Variants in SCAF8 observed in about 807,000 individuals in gnomAD.
SCAF8 encodes SR-related and CTD-associated factor 8.
Under a neutral mutation model 140.5 loss-of-function variants are expected in SCAF8, and 23 were observed. The observed-to-expected ratio is 0.16, with a 90% confidence interval of 0.12 to 0.23. The LOEUF (loss-of-function observed/expected upper bound fraction) is 0.23, where lower values mean the gene tolerates loss of function less well. Ranked by LOEUF, SCAF8 falls within the 10% of genes least tolerant of loss-of-function variation. The probability of loss-of-function intolerance (pLI) is 1.00; values close to 1 mark genes in which losing one functional copy is unlikely to be tolerated. For synonymous variants in SCAF8, 575 were observed against 528.9 expected, an observed-to-expected ratio of 1.09 and a Z score of -1.20; for missense variants, 1,397 against 1,555.7, an observed-to-expected ratio of 0.90 and a Z score of 1.72.
intron 4 of SCAF8, among the ~76,000 whole-genome samples, chr6:154,792,206 C>T (rs1040678545): frequency 3.9e-5 from 6 of 152,160 alleles, no homozygotes; most frequent in Admixed American, 6.5e-5. Flanking sequence ...GAAATGGTTA[C>T]GCTTCAGATT....
At chr6:154,739,747 A>G (rs980803342) in intron 1 of SCAF8, among the ~76,000 whole-genome samples, 1 of 152,146 alleles carries the variant, frequency 6.6e-6, no homozygotes, top group African/African-American at 2.4e-5. Flanking sequence ...TTTCTGTTCT[A>G]TAAAGTGAAC....
chr6:154,817,808 T>C (rs2351846), intron 13 of SCAF8, among the ~76,000 whole-genome samples: 22,900 of 152,196 alleles, frequency 0.15, 2,216 homozygotes, highest in East Asian at 0.45. Flanking sequence ...TGAATAGTTT[T>C]CTGAGTTAAT....
chr6:154,821,346 A>G lies in SCAF8; in HGVS notation c.1793-930A>G, dbSNP rs1185021504. Among the ~76,000 whole-genome samples the G allele has an allele frequency of 2.7e-5, 4 of 150,578 alleles. No homozygotes were observed. The East Asian group carries it at 7.7e-4, about 29-fold the overall frequency. ...CTCACTTGTTTTCCTATTCTGTTTT[A>G]CTTTTTTTTTTTTGCAATAACAGTT... On this transcript the variant is annotated intron_variant, in intron 15 of 19. Transcript: ENST00000367178.
chr6:154,775,182 T>G (rs1253732022), intron 2 of SCAF8, among the ~76,000 whole-genome samples: 5 of 152,210 alleles, frequency 3.3e-5, no homozygotes, highest in Admixed American at 2.6e-4. Context: ...AAAGCTTAGT[T>G]TTCAGACTTG....
In SCAF8 at chr6:154,832,730, C is replaced by G. The variant is rs756760142; in HGVS notation, c.3151C>G (p.Arg1051Gly). The G allele has an allele frequency of 1.9e-5, 30 of 1,613,704 alleles. No homozygotes were observed. Among genetic ancestry groups the G allele is most frequent in the Non-Finnish European group, 2.4e-5 (28 of 1,179,946 alleles). ...RPIDPREGPG[R>G]PPLDGRDHFG... ...TATAGATCCAAGAGAAGGTCCTGGA[C>G]GGCCTCCACTAGATGGTAGGGATCA... Residue 1051 changes from arginine to glycine, a missense_variant, in exon 20 of 20, where the codon CGG (arginine) becomes GGG (glycine). Physicochemically the swap from Arg to Gly is moderately radical, Grantham distance 125 (BLOSUM62 -2). This residue lies in a region of SCAF8 where 930 missense variants were observed against 874.6 expected (regional missense o/e 1.06). Transcript: ENST00000367178.
intron 16 of SCAF8, among the ~76,000 whole-genome samples, chr6:154,823,059 A>C (rs193264608): frequency 1.3e-5 from 2 of 151,294 alleles, no homozygotes; most frequent in East Asian, 3.9e-4. Context: ...AACCATGTGG[A>C]TATCTGATAA....
At chr6:154,793,537 C>G (rs550086719) in intron 5 of SCAF8, among the ~76,000 whole-genome samples, 7 of 150,854 alleles carry the variant, frequency 4.6e-5, no homozygotes, top group East Asian at 3.9e-4. Context: ...AGTTCCAGCC[C>G]TGCGCAGTGA....
Position 154,822,259 on chromosome 6 carries a change from T to C in SCAF8, c.1793-17T>C. ...TGCACCTATCCAAAGGAAATCAATT[T>C]CAACTATTTTGTTTAGAGTGGGAAA... On this transcript the variant is annotated splice_polypyrimidine_tract_variant and intron_variant, in intron 15 of 19. Transcript: ENST00000367178. 6.3e-7 allele frequency: 1 copy of C among 1,586,966 alleles called. No individual in the cohort carries two copies. Among genetic ancestry groups the C allele is most frequent in the Non-Finnish European group, 8.6e-7 (1 of 1,169,496 alleles).
At chr6:154,788,148 C>A in intron 4 of SCAF8, 126 bp downstream of exon 4, 1 of 750,506 alleles carries the variant, frequency 1.3e-6, no homozygotes, top group Non-Finnish European at 2.2e-6. Context: ...TGACAGACCG[C>A]ATATACAGTG....
At chr6:154,787,824 C>T (rs376203629) in intron 3 of SCAF8, 37 bp from the exon 4 acceptor site, 246 of 1,547,736 alleles carry the variant, frequency 1.6e-4, no homozygotes, top group Non-Finnish European at 2.1e-4. Flanking sequence ...TTTACCTTTC[C>T]GTTTCCTTTC....
intron 6 of SCAF8, among the ~76,000 whole-genome samples, chr6:154,799,985 C>T (rs1037384647): frequency 6.6e-6 from 1 of 150,992 alleles, no homozygotes; most frequent in African/African-American, 2.4e-5. Context: ...AAGGTTTCAC[C>T]TTGTTGGCCA....
chr6:154,733,808 C>T lies in SCAF8; in HGVS notation c.-93C>T. 4 of 1,445,914 alleles carry T rather than the reference C, an allele frequency of 2.8e-6. No homozygotes were observed. Among genetic ancestry groups the T allele is most frequent in the Non-Finnish European group, 3.6e-6 (4 of 1,101,868 alleles). The allele number at this position is 1,445,914 out of a possible 1,614,324, so 89.6% of individuals were successfully genotyped here. Reference sequence around the variant, plus strand: ...CTCTCCCGCCAGCGCCCCCTCCTCGCGGCCACGCAGCAGCCCGCGTCTCGC... The same window carrying T: ...CTCTCCCGCCAGCGCCCCCTCCTCGTGGCCACGCAGCAGCCCGCGTCTCGC... On this transcript the variant is annotated 5_prime_UTR_variant, in exon 1 of 20. Coordinates refer to ENST00000367178, the MANE Select transcript of SCAF8 (RefSeq NM_014892.5).
intron 3 of SCAF8, 112 bp downstream of exon 3, chr6:154,778,157 G>T: frequency 1.7e-6 from 1 of 590,778 alleles, no homozygotes; most frequent in Non-Finnish European, 2.9e-6. Context: ...GTTAAAAAGT[G>T]ATTCCAGTTA....
intron 1 of SCAF8, among the ~76,000 whole-genome samples, chr6:154,771,429 G>T (rs1169171325): frequency 2.6e-5 from 4 of 152,180 alleles, no homozygotes; most frequent in African/African-American, 7.2e-5. Flanking sequence ...TAGAATAGAA[G>T]GCTGGGACAA....
intron 1 of SCAF8, among the ~76,000 whole-genome samples, chr6:154,749,397 T>G (rs1303910626): frequency 1.3e-5 from 2 of 151,920 alleles, no homozygotes; most frequent in Non-Finnish European, 2.9e-5. Context: ...AGTTGCTGGT[T>G]GTTTGAGCTT....
chr6:154,768,420 A>G, intron 1 of SCAF8, among the ~76,000 whole-genome samples: 1 of 152,196 alleles, frequency 6.6e-6, no homozygotes, highest in Non-Finnish European at 1.5e-5. Flanking sequence ...AGAGAGATGA[A>G]CTGCTCATGC....
At chr6:154,831,501 A>T (rs1043558417) in intron 19 of SCAF8, among the ~76,000 whole-genome samples, 1 of 152,024 alleles carries the variant, frequency 6.6e-6, no homozygotes, top group African/African-American at 2.4e-5. Context: ...ACTTACTTCT[A>T]ATAGGTATTA....
chr6:154,809,770 C>A (rs1778034703), intron 11 of SCAF8, among the ~76,000 whole-genome samples: 1 of 152,100 alleles, frequency 6.6e-6, no homozygotes, highest in Admixed American at 6.6e-5. Flanking sequence ...TTTCTAGAAT[C>A]TTTTTCCTCT....
chr6:154,755,272 TAGAC>T (rs1562428626), intron 1 of SCAF8, among the ~76,000 whole-genome samples: 1 of 152,120 alleles, frequency 6.6e-6, no homozygotes, highest in Non-Finnish European at 1.5e-5. Flanking sequence ...ATTATTTTTT[TAGAC>T]AGAGTCTTGC....
Sources: gnomAD v4.1 joint callset for allele counts (sites outside exome capture counted in the v4.1 genomes callset) on GRCh38, gnomAD v4.1.1 for gene constraint, gnomAD v4.1.1 regional missense constraint, MANE v1.5 for transcripts, NCBI Gene and HGNC (gene_info 2026-07-23, HGNC 2026-07-21) for gene names.